ERBB4: variants seen among roughly 807,000 people sequenced by gnomAD.
ERBB4 encodes receptor tyrosine-protein kinase erbB-4.
ERBB4 carries 42 observed loss-of-function variants against 158.0 expected under a neutral mutation model. That is an observed-to-expected ratio of 0.27 (90% confidence interval 0.21 to 0.34). The LOEUF (loss-of-function observed/expected upper bound fraction) is 0.34, where lower values mean the gene tolerates loss of function less well. ERBB4 is among the 10% of genes least tolerant of loss of function. The pLI, the probability that ERBB4 is intolerant of heterozygous loss-of-function variation, is 1.00. For missense variants in ERBB4, 1,333 were observed against 1,624.1 expected, an observed-to-expected ratio of 0.82 and a Z score of 3.08; for synonymous variants, 583 against 558.7, an observed-to-expected ratio of 1.04 and a Z score of -0.61.
chr2:211,698,705 C>T (rs2073118526), intron 12 of ERBB4, among the ~76,000 whole-genome samples: 2 of 152,044 alleles, frequency 1.3e-5, no homozygotes, highest in East Asian at 1.9e-4. Flanking sequence ...TATATAAGTT[C>T]AAATAGAACT....
At chr2:211,683,784 G>A (rs2072453233) in intron 12 of ERBB4, among the ~76,000 whole-genome samples, 1 of 150,002 alleles carries the variant, frequency 6.7e-6, no homozygotes, top group Non-Finnish European at 1.5e-5. Flanking sequence ...TTTCTAGAGT[G>A]ATTGTACCAT....
intron 4 of ERBB4, among the ~76,000 whole-genome samples, chr2:211,767,855 CT>C (rs1393697417): frequency 1.3e-5 from 2 of 152,138 alleles, no homozygotes; most frequent in Non-Finnish European, 2.9e-5. Context: ...CATTCTGCCC[CT>C]GGCCTCTCTT....
Position 211,462,502 on chromosome 2 carries a change from T to C in ERBB4, c.2488-31402A>G, listed in dbSNP as rs1302255153. Among the ~76,000 whole-genome samples, 3 of 152,276 alleles carry C rather than the reference T, an allele frequency of 2.0e-5. 1 individual carries two copies. The highest frequency in any genetic ancestry group is 2.4e-5 in the African/African-American group (1 of 41,568). On this transcript the variant is annotated intron_variant, in intron 20 of 27. Coordinates refer to ENST00000342788, the MANE Select transcript of ERBB4 (RefSeq NM_005235.3). ...TTACCTGTGACAATGAATCAGAAATTTGACCAAATAGCAACTCGCAGAAAG... is the reference window on the plus strand; with the variant it reads ...TTACCTGTGACAATGAATCAGAAATCTGACCAAATAGCAACTCGCAGAAAG...
At chr2:211,909,675 G>A (rs1054515116) in intron 3 of ERBB4, among the ~76,000 whole-genome samples, 3 of 151,666 alleles carry the variant, frequency 2.0e-5, no homozygotes, top group Non-Finnish European at 2.9e-5. Flanking sequence ...TTATAATCTT[G>A]AGACCACCAT....
At chr2:211,715,038 A>T (rs549840307) in intron 7 of ERBB4, among the ~76,000 whole-genome samples, 1 of 152,222 alleles carries the variant, frequency 6.6e-6, no homozygotes, top group East Asian at 1.9e-4. Context: ...TCTGTCTGCC[A>T]TCTCACCTAT....
chr2:212,171,454 A>T (rs1181882475), intron 1 of ERBB4, among the ~76,000 whole-genome samples: 1 of 151,930 alleles, frequency 6.6e-6, no homozygotes, highest in Non-Finnish European at 1.5e-5. Context: ...GGAAGGCATG[A>T]TTGGTTCTGA....
chr2:211,787,718 T>C (rs2076196550), intron 4 of ERBB4, among the ~76,000 whole-genome samples: 1 of 152,174 alleles, frequency 6.6e-6, no homozygotes, highest in Non-Finnish European at 1.5e-5. Context: ...AATAGTTAGA[T>C]ACCAGCCTTA....
At chr2:212,429,963 G>A (rs2091990474) in intron 1 of ERBB4, among the ~76,000 whole-genome samples, 1 of 152,202 alleles carries the variant, frequency 6.6e-6, no homozygotes, top group Admixed American at 6.5e-5. Context: ...AAGAGAGGCA[G>A]AAGTAATGGG....
intron 20 of ERBB4, among the ~76,000 whole-genome samples, chr2:211,498,156 T>C (rs939880669): frequency 6.6e-6 from 1 of 152,192 alleles, no homozygotes; most frequent in Middle Eastern, 3.4e-3. Flanking sequence ...GTATTCTAAG[T>C]CTACAGTGGT....
At chr2:212,014,093 T>C (rs754603902) in intron 2 of ERBB4, among the ~76,000 whole-genome samples, 2 of 152,144 alleles carry the variant, frequency 1.3e-5, no homozygotes, top group Non-Finnish European at 2.9e-5. Context: ...GAGAAAAACC[T>C]CTCTTGACTC....
intron 5 of ERBB4, among the ~76,000 whole-genome samples, chr2:211,728,620 T>C (rs996394602): frequency 3.3e-5 from 5 of 151,880 alleles, no homozygotes; most frequent in East Asian, 1.9e-4. Context: ...AGCAGACATA[T>C]GTTAAATAAA....
chr2:211,745,190 A>T (rs535659670), intron 5 of ERBB4, among the ~76,000 whole-genome samples: 1 of 152,092 alleles, frequency 6.6e-6, no homozygotes, highest in Admixed American at 6.5e-5. Flanking sequence ...AACTGACTTT[A>T]AAAAAATGAA....
chr2:212,289,315 T>C (rs2106174856), intron 1 of ERBB4, among the ~76,000 whole-genome samples: 1 of 152,316 alleles, frequency 6.6e-6, no homozygotes, highest in African/African-American at 2.4e-5. Flanking sequence ...AACTCCTGGA[T>C]TCAAATACCT....
chr2:211,731,857 T>C (rs1006574920), intron 5 of ERBB4, among the ~76,000 whole-genome samples: 7 of 152,320 alleles, frequency 4.6e-5, no homozygotes, highest in African/African-American at 1.7e-4. Context: ...CTATACACTG[T>C]TATTCATTCT....
intron 1 of ERBB4, among the ~76,000 whole-genome samples, chr2:212,266,853 A>T (rs1043848453): frequency 7.9e-5 from 12 of 152,000 alleles, no homozygotes; most frequent in Non-Finnish European, 1.6e-4. Context: ...AACAAATTAA[A>T]TGAGAAGTTC....
intron 1 of ERBB4, among the ~76,000 whole-genome samples, chr2:212,530,960 C>A (rs2106342208): frequency 6.6e-6 from 1 of 152,198 alleles, no homozygotes; most frequent in South Asian, 2.1e-4. Flanking sequence ...GTCTTGAGTC[C>A]TTTTAATTTA....
rs76681131 is a variant in ERBB4, at chr2:211,759,120, A to C, written c.557-8416T>G. On this transcript the variant is annotated intron_variant, in intron 4 of 27. Coordinates refer to ENST00000342788, the MANE Select transcript of ERBB4 (RefSeq NM_005235.3). ...AGCTTCTGCCAAAAACTTTGGAGTC[A>C]TCCTCAGCTCTGTTTTCTTTCGTCT... is the stretch of plus-strand genomic sequence containing the variant. 8.4e-4 allele frequency among the ~76,000 whole-genome samples: 128 copies of C among 152,282 alleles called. 2 individuals are homozygous for C. In the East Asian group the frequency reaches 0.021, roughly 25 times the overall value.
chr2:212,419,318 C>T (rs938357899), intron 1 of ERBB4, among the ~76,000 whole-genome samples: 1 of 151,858 alleles, frequency 6.6e-6, no homozygotes, highest in Non-Finnish European at 1.5e-5. Flanking sequence ...GAGTTGCCTG[C>T]ATTTGAAAGT....
At chr2:211,482,370 T>C (rs1574577259) in intron 20 of ERBB4, among the ~76,000 whole-genome samples, 1 of 152,298 alleles carries the variant, frequency 6.6e-6, no homozygotes, top group African/African-American at 2.4e-5. Context: ...TGCCTCAGTA[T>C]TGGGGAAAAA....
Sources: gnomAD v4.1 joint callset for allele counts (sites outside exome capture counted in the v4.1 genomes callset) on GRCh38, gnomAD v4.1.1 for gene constraint, MANE v1.5 for transcripts, NCBI Gene and HGNC (gene_info 2026-07-23, HGNC 2026-07-21) for gene names.